Variants in SHANK2 observed in about 807,000 individuals in gnomAD.
SHANK2 encodes SH3 and multiple ankyrin repeat domains protein 2.
A neutral mutation model predicts 133.7 loss-of-function variants in SHANK2; 43 were observed. The ratio of observed to expected loss-of-function variants is 0.32; its 90% CI spans 0.25 to 0.41. The LOEUF (loss-of-function observed/expected upper bound fraction) is 0.41. Among genes scored for constraint, SHANK2 ranks in the 10% least tolerant of loss-of-function variants. The pLI, the probability that SHANK2 is intolerant of heterozygous loss-of-function variation, is 1.00. For synonymous variants in SHANK2, 1,017 were observed against 952.8 expected, an observed-to-expected ratio of 1.07 and a Z score of -1.24; for missense variants, 1,994 against 2,235.8, an observed-to-expected ratio of 0.89 and a Z score of 2.18.
intron 14 of SHANK2, among the ~76,000 whole-genome samples, chr11:70,776,137 T>C (rs947941282): frequency 1.3e-5 from 2 of 152,242 alleles, no homozygotes; most frequent in Admixed American, 6.5e-5. Flanking sequence ...AGATGGCACA[T>C]CAGTGTTTCC....
chr11:70,516,682 T>C (rs2135907115), intron 17 of SHANK2, among the ~76,000 whole-genome samples: 1 of 152,232 alleles, frequency 6.6e-6, no homozygotes, highest in East Asian at 1.9e-4. Flanking sequence ...TGGGGGAAAA[T>C]CTTTGCAAAA....
chr11:71,114,882 A>G (rs1220943201), intron 4 of SHANK2, among the ~76,000 whole-genome samples: 4 of 152,012 alleles, frequency 2.6e-5, no homozygotes, highest in Non-Finnish European at 5.9e-5. Context: ...ACATAAAACA[A>G]TCCGCTTGGG....
In SHANK2 at chr11:70,892,522, C is replaced by G. The variant is rs532183289; in HGVS notation, c.1174+3979G>C. ...CTCTTGTATGGTGGAAGGTTTTTCT[C>G]AGCTTCAACAAGGAGGCAGCAGCAT... On this transcript the variant is annotated intron_variant, in intron 11 of 25. Coordinates refer to ENST00000601538, the MANE Select transcript of SHANK2 (RefSeq NM_012309.5). Among the ~76,000 whole-genome samples, 292 of 152,300 alleles carry G rather than the reference C, an allele frequency of 1.9e-3. 2 individuals are homozygous for G. The highest frequency in any genetic ancestry group is 6.4e-3 in the African/African-American group (267 of 41,578).
chr11:71,119,178 A>T, intron 3 of SHANK2, 146 bp from the exon 4 acceptor site: 1 of 638,132 alleles, frequency 1.6e-6, no homozygotes, highest in Non-Finnish European at 2.7e-6. Context: ...TTTCACAGTG[A>T]AAAATAAAGC....
intron 15 of SHANK2, among the ~76,000 whole-genome samples, chr11:70,662,945 C>T (rs1034434158): frequency 6.6e-6 from 1 of 152,148 alleles, no homozygotes; most frequent in Non-Finnish European, 1.5e-5. Flanking sequence ...CCGTAGGACT[C>T]TGCTGCTGCC....
intron 17 of SHANK2, among the ~76,000 whole-genome samples, chr11:70,587,440 T>G (rs1156575216): frequency 5.3e-5 from 8 of 151,860 alleles, no homozygotes; most frequent in Non-Finnish European, 1.0e-4. Flanking sequence ...AAAACGAAAT[T>G]GGTCTGGGGC....
At chr11:70,532,875 G>A (rs540068527) in intron 17 of SHANK2, among the ~76,000 whole-genome samples, 1 of 152,064 alleles carries the variant, frequency 6.6e-6, no homozygotes, top group East Asian at 2.0e-4. Flanking sequence ...ACGGACAGAG[G>A]GATGAATAAC....
intron 14 of SHANK2, among the ~76,000 whole-genome samples, chr11:70,710,248 C>T (rs558522419): frequency 9.5e-4 from 145 of 152,334 alleles, no homozygotes; most frequent in African/African-American, 3.4e-3. Context: ...CTGGCTCCCT[C>T]TTCACAACGG....
chr11:70,508,054 T>C (rs2059156997), intron 17 of SHANK2, among the ~76,000 whole-genome samples: 1 of 152,232 alleles, frequency 6.6e-6, no homozygotes, highest in African/African-American at 2.4e-5. Flanking sequence ...GCCGTGACAG[T>C]GTGCCACAGG....
At chr11:70,822,637 G>T in intron 11 of SHANK2, among the ~76,000 whole-genome samples, 1 of 148,888 alleles carries the variant, frequency 6.7e-6, no homozygotes, top group African/African-American at 2.5e-5. Flanking sequence ...AGGTGGCACT[G>T]GCAGAGCTCA....
At chr11:71,099,385 G>A (rs1227358052) in intron 6 of SHANK2, among the ~76,000 whole-genome samples, 1 of 152,218 alleles carries the variant, frequency 6.6e-6, no homozygotes, top group African/African-American at 2.4e-5. Flanking sequence ...GGAGTAAGAT[G>A]CTGATAAGGG....
chr11:71,083,926 T>G (rs975409155), intron 8 of SHANK2, among the ~76,000 whole-genome samples: 1 of 151,926 alleles, frequency 6.6e-6, no homozygotes, highest in Non-Finnish European at 1.5e-5. Context: ...TGGGTAATTT[T>G]TTGGTAATCA....
At chr11:70,915,378 C>T (rs1169451694) in intron 10 of SHANK2, among the ~76,000 whole-genome samples, 1 of 152,160 alleles carries the variant, frequency 6.6e-6, no homozygotes, top group Non-Finnish European at 1.5e-5. Flanking sequence ...AGTTATGATT[C>T]ATGGTGCCAT....
At chr11:70,748,107 A>G (rs2134870884) in intron 14 of SHANK2, among the ~76,000 whole-genome samples, 1 of 152,312 alleles carries the variant, frequency 6.6e-6, no homozygotes, top group South Asian at 2.1e-4. Flanking sequence ...CTGAGATCAC[A>G]CAGCAGAGAA....
intron 9 of SHANK2, among the ~76,000 whole-genome samples, chr11:71,066,090 T>G (rs1322502033): frequency 0.018 from 132 of 7,230 alleles, no homozygotes; most frequent in Middle Eastern, 0.17. Context: ...GGGAAGTTGG[T>G]GGGGGGGGTG....
chr11:70,952,404 C>T (rs1019770972), intron 10 of SHANK2, among the ~76,000 whole-genome samples: 1 of 152,176 alleles, frequency 6.6e-6, no homozygotes, highest in African/African-American at 2.4e-5. Flanking sequence ...CTGTGGAAAC[C>T]GTAGTCCTTT....
chr11:70,485,703 G>C lies in SHANK2; in HGVS notation c.4590C>G (p.Cys1530Trp). 4 of 1,614,112 alleles carry C rather than the reference G, an allele frequency of 2.5e-6. No individual in the cohort carries two copies. The highest frequency in any genetic ancestry group is 3.4e-6 in the Non-Finnish European group (4 of 1,180,034). ...ATGCTTGCCCATCTGCATAGACTGT[G>C]CAGGTGTCCACATTCTCTCCACCTT... ...SSEGGENVDT[C>W]TVYADGQAFM... Residue 1530 changes from cysteine to tryptophan, a missense_variant, in exon 25 of 26, where the codon TGC becomes TGG. By Grantham distance (215) the Cys-to-Trp change is radical. This residue lies in a region of SHANK2 where 797 missense variants were observed against 907.4 expected (regional missense o/e 0.88). Transcript: ENST00000601538. This position sits in a 1 kb window ranked among gnomAD's most constrained non-coding sequence, Gnocchi z 5.8.
At chr11:70,644,181 C>CA (rs2061228364) in intron 17 of SHANK2, among the ~76,000 whole-genome samples, 1 of 152,132 alleles carries the variant, frequency 6.6e-6, no homozygotes, top group Non-Finnish European at 1.5e-5. Flanking sequence ...GTAGAAGACA[C>CA]AAAGCATAAA....
chr11:70,598,143 A>T (rs1174342752), intron 17 of SHANK2, among the ~76,000 whole-genome samples: 1 of 152,210 alleles, frequency 6.6e-6, no homozygotes, highest in Non-Finnish European at 1.5e-5. Flanking sequence ...TGCCGTAGAC[A>T]GGGTCCCATA....
Sources: allele counts gnomAD v4.1 joint callset (sites outside exome capture counted in the v4.1 genomes callset), GRCh38; gene constraint gnomAD v4.1.1; regional missense constraint gnomAD v4.1.1; non-coding constraint Gnocchi (gnomAD v3.1); transcripts MANE v1.5; gene names NCBI Gene and HGNC (gene_info 2026-07-23, HGNC 2026-07-21).